Variants in EXOC2 observed in about 807,000 individuals in gnomAD.
EXOC2 encodes the protein SEC5-like 1.
Under a neutral mutation model 131.8 loss-of-function variants are expected in EXOC2, and 70 were observed. That is an observed-to-expected ratio of 0.53 (90% CI 0.44 to 0.65). The LOEUF (loss-of-function observed/expected upper bound fraction) is 0.65, where lower values mean the gene tolerates loss of function less well. Ranked by LOEUF, EXOC2 falls within the 30% of genes least tolerant of loss-of-function variation. The pLI is 0.00. For missense variants in EXOC2, 923 were observed against 1,108.6 expected (o/e 0.83, Z 2.38); for synonymous variants, 411 against 398.4 (o/e 1.03, Z -0.38).
intron 24 of EXOC2, among the ~76,000 whole-genome samples, chr6:498,677 T>C (rs1229583560): frequency 6.6e-6 from 1 of 152,202 alleles, no homozygotes; most frequent in East Asian, 1.9e-4. Flanking sequence ...AGTGTTATCT[T>C]TGTCTTCCCT....
rs1764554583 is a variant in EXOC2, at chr6:506,748, G to A, written c.2381-7048C>T. ...GGAGAAAACAAGGCTCATCTCTACT[G>A]AGCAAGAACTTGTAGGCTGTTTCCT... On this transcript the variant is annotated intron_variant, in intron 23 of 27. Transcript: ENST00000230449. The surrounding 1 kb of genome is among the most constrained non-coding windows in gnomAD (Gnocchi z 4.4). 6.6e-6 allele frequency among the ~76,000 whole-genome samples: 1 copy of A among 152,030 alleles called. No homozygotes were observed. Among genetic ancestry groups the A allele is most frequent in the Non-Finnish European group, 1.5e-5 (1 of 68,022 alleles).
chr6:600,806 C>T (rs887293674), intron 7 of EXOC2, among the ~76,000 whole-genome samples: 19 of 151,728 alleles, frequency 1.3e-4, no homozygotes, highest in African/African-American at 4.4e-4. Flanking sequence ...TTATTTATGC[C>T]AAAATACATG....
At chr6:640,326 A>G (rs756643127) in intron 1 of EXOC2, among the ~76,000 whole-genome samples, 1 of 152,214 alleles carries the variant, frequency 6.6e-6, no homozygotes. Flanking sequence ...TCAAAGCACC[A>G]TATTTTAGGG....
chr6:599,325 G>T, intron 7 of EXOC2, 100 bp from the exon 8 acceptor site: 3 of 1,106,756 alleles, frequency 2.7e-6, no homozygotes, highest in Non-Finnish European at 3.7e-6. Context: ...TGCTATTGTA[G>T]TTTTACGTTA....
intron 1 of EXOC2, among the ~76,000 whole-genome samples, chr6:659,484 C>T (rs1382147956): frequency 2.0e-5 from 3 of 152,220 alleles, no homozygotes; most frequent in African/African-American, 7.2e-5. Flanking sequence ...CTCAGACCCT[C>T]TGAAGGAAGT....
chr6:491,343 A>G (rs1338677235), intron 25 of EXOC2, among the ~76,000 whole-genome samples, 157 bp from the exon 26 acceptor site: 1 of 152,284 alleles, frequency 6.6e-6, no homozygotes, highest in Non-Finnish European at 1.5e-5. Flanking sequence ...TTTCTAAAAC[A>G]GTCCGAAGAA....
intron 1 of EXOC2, among the ~76,000 whole-genome samples, chr6:679,689 G>A (rs780053904): frequency 1.3e-5 from 2 of 152,098 alleles, no homozygotes; most frequent in Non-Finnish European, 2.9e-5. Flanking sequence ...GGGAAAAAAC[G>A]GAAACATCCA....
At position 665,876 on chromosome 6, in the gene EXOC2, C is replaced by A. The variant is rs1383928267; in HGVS notation, c.-44+27143G>T. ...TGCACCAGAATCTCACAAGTCACCA[C>A]TAAGAACTTAGTCATGTAACCAAAT... On this transcript the variant is annotated intron_variant, in intron 1 of 27. Transcript: ENST00000230449. Among the ~76,000 whole-genome samples the A allele has an allele frequency of 3.2e-4, 48 of 152,048 alleles. 1 individual carries two copies. Among genetic ancestry groups the A allele is most frequent in the Admixed American group, 3.1e-3 (48 of 15,268 alleles).
chr6:552,562 G>T (rs570731692), intron 21 of EXOC2, among the ~76,000 whole-genome samples: 1 of 152,102 alleles, frequency 6.6e-6, no homozygotes, highest in East Asian at 1.9e-4. Flanking sequence ...TCTCTCCTGG[G>T]ATCTAAACAA....
chr6:687,273 C>G (rs1231487456), intron 1 of EXOC2, among the ~76,000 whole-genome samples: 1 of 136,264 alleles, frequency 7.3e-6, no homozygotes. Context: ...TCAGGTGATC[C>G]AGGCTCAAGT....
At chr6:620,866 G>C (rs367614537) in intron 4 of EXOC2, among the ~76,000 whole-genome samples, 1 of 152,162 alleles carries the variant, frequency 6.6e-6, no homozygotes, top group Non-Finnish European at 1.5e-5. Flanking sequence ...AATGTCCTTC[G>C]GGGCCTGTGC....
chr6:551,024 A>G (rs1001185869), intron 21 of EXOC2, among the ~76,000 whole-genome samples: 6 of 152,244 alleles, frequency 3.9e-5, no homozygotes, highest in African/African-American at 1.2e-4. Flanking sequence ...TGTTGCTCAA[A>G]TGTAATCATT....
intron 22 of EXOC2, among the ~76,000 whole-genome samples, chr6:545,946 A>C (rs1368360497): frequency 6.6e-6 from 1 of 152,228 alleles, no homozygotes; most frequent in Non-Finnish European, 1.5e-5. Context: ...ATTCAGTAGA[A>C]AAATACAATG....
intron 1 of EXOC2, among the ~76,000 whole-genome samples, chr6:643,741 T>C (rs866931979): frequency 1.5e-4 from 22 of 151,496 alleles, no homozygotes; most frequent in Admixed American, 7.9e-4. Context: ...TAAAAAGAAT[T>C]TGAAAAAAAT....
chr6:599,208 C>T lies in EXOC2; in HGVS notation c.760G>A (p.Asp254Asn). 2 of 1,594,216 alleles carry T rather than the reference C, an allele frequency of 1.3e-6. No homozygotes were observed. The highest frequency in any genetic ancestry group is 8.6e-7 in the Non-Finnish European group (1 of 1,169,074). ...NVLNRASNTA[D>N]TLFQEVLGRK... ...CCTAATACTTCTTGAAACAATGTGT[C>T]TGCAGTATTACTTGCTCCTGTTTTA... The change falls in exon 8 of 28, where the codon GAC becomes AAC. Residue 254 changes from aspartate (D) to asparagine (N), a missense_variant. Coordinates refer to ENST00000230449, the MANE Select transcript of EXOC2 (RefSeq NM_018303.6).
intron 23 of EXOC2, among the ~76,000 whole-genome samples, chr6:501,652 TAG>T (rs1282053401): frequency 9.3e-6 from 1 of 108,088 alleles, no homozygotes; most frequent in African/African-American, 3.5e-5. Flanking sequence ...TATATATAGA[TAG>T]ATATATCTAT....
At chr6:540,381 C>T (rs1031229195) in intron 22 of EXOC2, among the ~76,000 whole-genome samples, 2 of 152,170 alleles carry the variant, frequency 1.3e-5, no homozygotes, top group African/African-American at 2.4e-5. Flanking sequence ...ACAGAATAAT[C>T]GGAAAGACAC....
At chr6:671,920 T>C (rs1763892429) in intron 1 of EXOC2, among the ~76,000 whole-genome samples, 1 of 151,484 alleles carries the variant, frequency 6.6e-6, no homozygotes, top group Non-Finnish European at 1.5e-5. Context: ...TTTTATTTAT[T>C]TATTTATTTT....
intron 1 of EXOC2, among the ~76,000 whole-genome samples, chr6:658,667 T>TATATATA (rs1561983437): frequency 2.0e-4 from 13 of 65,182 alleles, no homozygotes; most frequent in East Asian, 3.6e-4. Flanking sequence ...ATATATATAT[T>TATATATA]TTTTTTTTTT....
Sources: allele counts gnomAD v4.1 joint callset (sites outside exome capture counted in the v4.1 genomes callset), GRCh38; gene constraint gnomAD v4.1.1; non-coding constraint Gnocchi (gnomAD v3.1); transcripts MANE v1.5; gene names NCBI Gene and HGNC (gene_info 2026-07-23, HGNC 2026-07-21).